ABCC4: variants seen among roughly 807,000 people sequenced by gnomAD.
ABCC4 encodes ATP binding cassette subfamily C member 4 (PEL blood group).
In ABCC4, 102 loss-of-function variants were observed where a neutral mutation model predicts 168.5. The ratio of observed to expected loss-of-function variants is 0.61; its 90% CI spans 0.52 to 0.71. The LOEUF (loss-of-function observed/expected upper bound fraction) is 0.71, where lower values mean the gene tolerates loss of function less well. Among genes scored for constraint, ABCC4 ranks in the 30% least tolerant of loss-of-function variants. ABCC4 has a pLI of 0.00. For missense variants in ABCC4, 1,402 were observed against 1,605.8 expected, an observed-to-expected ratio of 0.87 and a Z score of 2.17; for synonymous variants, 617 against 590.7, an observed-to-expected ratio of 1.04 and a Z score of -0.65.
At chr13:95,093,446 T>G (rs371002604) in intron 20 of ABCC4, among the ~76,000 whole-genome samples, 6 of 152,194 alleles carry the variant, frequency 3.9e-5, no homozygotes, top group Non-Finnish European at 8.8e-5. Flanking sequence ...AAAAATCACA[T>G]AATCATCTCA....
chr13:95,096,268 C>T (rs2034596112), intron 20 of ABCC4: 1 of 469,692 alleles, frequency 2.1e-6, no homozygotes. Flanking sequence ...CAGAGCAATA[C>T]AAATTATCCA....
In ABCC4 at chr13:95,227,806, T is replaced by C. The variant is rs147536238; in HGVS notation, c.531+6804A>G. Among the ~76,000 whole-genome samples, 345 of 152,130 alleles carry C rather than the reference T, an allele frequency of 2.3e-3. 16 individuals are homozygous for C. In the East Asian group the frequency reaches 0.062, roughly 27 times the overall value. Reference sequence around the variant, plus strand: ...CTCACTGCAACCTCCACCTCCTGGGTTCAAGCAATTCTTGTGCCTCAGCCT... The same window carrying C: ...CTCACTGCAACCTCCACCTCCTGGGCTCAAGCAATTCTTGTGCCTCAGCCT... On this transcript the variant is annotated intron_variant, in intron 4 of 30. Coordinates refer to ENST00000645237, the MANE Select transcript of ABCC4 (RefSeq NM_005845.5).
chr13:95,065,368 C>T (rs1293044559), intron 25 of ABCC4, among the ~76,000 whole-genome samples: 2 of 152,190 alleles, frequency 1.3e-5, no homozygotes, highest in African/African-American at 4.8e-5. Flanking sequence ...AGCAATCTGA[C>T]AGAATCCTTG....
chr13:95,228,503 A>C (rs2039530065), intron 4 of ABCC4, among the ~76,000 whole-genome samples: 1 of 152,184 alleles, frequency 6.6e-6, no homozygotes, highest in Non-Finnish European at 1.5e-5. Flanking sequence ...GGCCAGGCGC[A>C]GTGGCTCACA....
intron 26 of ABCC4, among the ~76,000 whole-genome samples, chr13:95,061,061 A>G (rs2033271615): frequency 2.0e-5 from 3 of 152,180 alleles, no homozygotes; most frequent in Admixed American, 2.0e-4. Context: ...TATCTGCATT[A>G]TAGACTGTCA....
chr13:95,163,363 T>C (rs1300746618), intron 17 of ABCC4, 147 bp from the exon 18 acceptor site: 4 of 673,384 alleles, frequency 5.9e-6, no homozygotes, highest in Non-Finnish European at 1.0e-5. Context: ...ATCTACCTTA[T>C]AAAAATTCAA....
At chr13:95,087,830 C>A (rs547764993) in intron 20 of ABCC4, among the ~76,000 whole-genome samples, 3 of 152,258 alleles carry the variant, frequency 2.0e-5, no homozygotes, top group Non-Finnish European at 2.9e-5. Flanking sequence ...CCAGGTCCCA[C>A]CTGGGGAGAT....
intron 21 of ABCC4, among the ~76,000 whole-genome samples, chr13:95,076,737 T>G (rs564337539): frequency 3.9e-5 from 6 of 152,200 alleles, no homozygotes; most frequent in African/African-American, 1.4e-4. Flanking sequence ...AGTGCTGGGA[T>G]TACAAGTGTG....
chr13:95,228,015 T>C (rs1398630360), intron 4 of ABCC4, among the ~76,000 whole-genome samples: 2 of 152,158 alleles, frequency 1.3e-5, no homozygotes, highest in Non-Finnish European at 2.9e-5. Context: ...CGGCCCTGAA[T>C]ATCTGTAATT....
intron 1 of ABCC4, among the ~76,000 whole-genome samples, chr13:95,282,331 G>A (rs1245777457): frequency 6.6e-6 from 1 of 152,052 alleles, no homozygotes; most frequent in African/African-American, 2.4e-5. Context: ...TTCAAAGACA[G>A]GAAAGTCCCA....
At chr13:95,257,514 A>G (rs1362943108) in intron 1 of ABCC4, among the ~76,000 whole-genome samples, 2 of 152,116 alleles carry the variant, frequency 1.3e-5, no homozygotes, top group African/African-American at 2.4e-5. Flanking sequence ...ATAAAAATAC[A>G]GAAAAATTAG....
At chr13:95,175,169 T>C (rs906330896) in intron 13 of ABCC4, among the ~76,000 whole-genome samples, 1 of 152,012 alleles carries the variant, frequency 6.6e-6, no homozygotes, top group Admixed American at 6.6e-5. Context: ...CAGAGATGAG[T>C]TACTCTCACA....
chr13:95,272,434 CACAG>C (rs774741378), intron 1 of ABCC4, among the ~76,000 whole-genome samples: 1 of 152,168 alleles, frequency 6.6e-6, no homozygotes, highest in Non-Finnish European at 1.5e-5. Flanking sequence ...AAAAACCTTT[CACAG>C]ACAGAGAAAA....
At chr13:95,227,294 T>C (rs1006103997) in intron 4 of ABCC4, among the ~76,000 whole-genome samples, 3 of 152,208 alleles carry the variant, frequency 2.0e-5, no homozygotes, top group African/African-American at 7.2e-5. Flanking sequence ...TCTTAAGCTA[T>C]TCCCTAGCAA....
At chr13:95,301,203 C>T (rs1351933795) in intron 1 of ABCC4, 38 bp downstream of exon 1, 2 of 1,552,194 alleles carry the variant, frequency 1.3e-6, no homozygotes, top group South Asian at 1.2e-5. Flanking sequence ...GCGGCGCCAG[C>T]GGCTGCAGGG....
At chr13:95,088,927 AC>A (rs2139345513) in intron 20 of ABCC4, among the ~76,000 whole-genome samples, 1 of 152,206 alleles carries the variant, frequency 6.6e-6, no homozygotes, top group African/African-American at 2.4e-5. Flanking sequence ...ATATAAAAAA[AC>A]TGATGAAATC....
intron 1 of ABCC4, among the ~76,000 whole-genome samples, chr13:95,296,169 CACACACACACACACAAAA>C (rs2041528089): frequency 9.4e-6 from 1 of 106,488 alleles, no homozygotes. Context: ...CACACACACA[CACACACACACACACAAAA>C]ACACAAAATT....
At chr13:95,256,214 G>A (rs151314891) in intron 1 of ABCC4, among the ~76,000 whole-genome samples, 1 of 152,274 alleles carries the variant, frequency 6.6e-6, no homozygotes, top group East Asian at 1.9e-4. Context: ...GAGACTGGAG[G>A]TGCATGCCAT....
At chr13:95,107,288 T>C (rs553532753) in intron 20 of ABCC4, among the ~76,000 whole-genome samples, 3 of 152,216 alleles carry the variant, frequency 2.0e-5, no homozygotes, top group Admixed American at 6.5e-5. Context: ...ACTAGAGTAT[T>C]CAAAGTATAA....
Sources: gnomAD v4.1 joint callset for allele counts (sites outside exome capture counted in the v4.1 genomes callset) on GRCh38, gnomAD v4.1.1 for gene constraint, MANE v1.5 for transcripts, NCBI Gene and HGNC (gene_info 2026-07-23, HGNC 2026-07-21) for gene names.